Variants in PDE8B observed in about 807,000 individuals in gnomAD.
The protein encoded by PDE8B is high affinity cAMP-specific and IBMX-insensitive 3',5'-cyclic phosphodiesterase 8B.
In PDE8B, 26 loss-of-function variants were observed where a neutral mutation model predicts 101.3. The ratio of observed to expected loss-of-function variants is 0.26; its 90% CI spans 0.19 to 0.36. PDE8B has a LOEUF of 0.36. Ranked by LOEUF, PDE8B falls within the 10% of genes least tolerant of loss-of-function variation. PDE8B has a pLI of 1.00. For synonymous variants in PDE8B, 424 were observed against 429.3 expected, an observed-to-expected ratio of 0.99 and a Z score of 0.15; for missense variants, 810 against 1,163.1, an observed-to-expected ratio of 0.70 and a Z score of 4.42.
At chr5:77,339,392 G>A (rs1034766558) in intron 6 of PDE8B, among the ~76,000 whole-genome samples, 3 of 152,224 alleles carry the variant, frequency 2.0e-5, no homozygotes, top group Non-Finnish European at 2.9e-5. Flanking sequence ...AGTTTCAGCT[G>A]TTGCTTTTTG....
chr5:77,165,356 C>T, the PDE8B span: 2 of 152,190 alleles, frequency 1.3e-5, no homozygotes, highest in Admixed American at 6.5e-5. Context: ...AATTTTCACA[C>T]TCAGCTCTCA....
intron 1 of PDE8B, among the ~76,000 whole-genome samples, chr5:77,222,174 A>C (rs1045804433): frequency 6.6e-6 from 1 of 152,192 alleles, no homozygotes; most frequent in Non-Finnish European, 1.5e-5. Context: ...GAGAAGCTGC[A>C]TGATTTCTCC....
At chr5:77,229,971 G>A (rs966696738) in intron 1 of PDE8B, among the ~76,000 whole-genome samples, 1 of 152,168 alleles carries the variant, frequency 6.6e-6, no homozygotes, top group Admixed American at 6.5e-5. Context: ...TAGAACTGCT[G>A]CATTGTATGG....
At chr5:77,390,720 G>A (rs533553867) in intron 10 of PDE8B, among the ~76,000 whole-genome samples, 51 of 152,220 alleles carry the variant, frequency 3.4e-4, no homozygotes, top group Non-Finnish European at 6.3e-4. Flanking sequence ...CACTAATGCA[G>A]GGGGTGTTTC....
chr5:77,230,985 C>T lies in PDE8B; in HGVS notation c.339+19721C>T, dbSNP rs114925496. ...GAGTTGCTTGCCATTTCTGTAAGTG[C>T]AGAAACTAAGATTTCGATTTGGTTC... On this transcript the variant is annotated intron_variant, in intron 1 of 21. Transcript: ENST00000264917. 3.8e-3 allele frequency among the ~76,000 whole-genome samples: 575 copies of T among 152,266 alleles called. 2 individuals carry two copies. Among genetic ancestry groups the T allele is most frequent in the African/African-American group, 0.013 (545 of 41,532 alleles).
intron 1 of PDE8B, among the ~76,000 whole-genome samples, chr5:77,289,566 G>C (rs1766810585): frequency 6.6e-6 from 1 of 152,208 alleles, no homozygotes. Context: ...TGGCAGCCTG[G>C]AGACCTCAAT....
chr5:77,363,549 TA>T (rs1328465041), intron 10 of PDE8B, among the ~76,000 whole-genome samples: 1 of 151,770 alleles, frequency 6.6e-6, no homozygotes, highest in African/African-American at 2.4e-5. Context: ...CCATCTCTAC[TA>T]AAAATACAAA....
the PDE8B span, among the ~76,000 whole-genome samples, chr5:77,183,629 T>TA: frequency 6.6e-6 from 1 of 152,218 alleles, no homozygotes; most frequent in Admixed American, 6.5e-5. Context: ...AAAAATCTTT[T>TA]ATGAGTGATA....
chr5:77,305,823 G>A (rs1310640477), intron 1 of PDE8B, among the ~76,000 whole-genome samples: 1 of 152,202 alleles, frequency 6.6e-6, no homozygotes, highest in East Asian at 1.9e-4. Context: ...ATTTAAAAGT[G>A]CCTATTTCTG....
At chr5:77,163,780 G>A in the PDE8B span, among the ~76,000 whole-genome samples, 1 of 152,176 alleles carries the variant, frequency 6.6e-6, no homozygotes, top group Non-Finnish European at 1.5e-5. Context: ...AATTAACAAA[G>A]TAAAGTCTCA....
intron 1 of PDE8B, among the ~76,000 whole-genome samples, chr5:77,276,350 T>C (rs1580738902): frequency 6.6e-6 from 1 of 152,232 alleles, no homozygotes; most frequent in East Asian, 1.9e-4. Context: ...CAAAGGCCTC[T>C]ACCTCAGAGA....
chr5:77,420,718 C>A (rs950750817), intron 19 of PDE8B, among the ~76,000 whole-genome samples: 36 of 152,222 alleles, frequency 2.4e-4, no homozygotes, highest in African/African-American at 8.4e-4. Context: ...CCTCTCCTTC[C>A]ACAGAAGACT....
chr5:77,369,507 C>T lies in PDE8B; in HGVS notation c.1167+16101C>T, dbSNP rs920222307. On this transcript the variant is annotated intron_variant, in intron 10 of 21. Coordinates refer to ENST00000264917, the MANE Select transcript of PDE8B (RefSeq NM_003719.5). ...GCAGAGAGAGGAATCCAAGGAGATCCGAAATGGCATGCTGTATCTGAAAAT... is the reference window on the plus strand; with the variant it reads ...GCAGAGAGAGGAATCCAAGGAGATCTGAAATGGCATGCTGTATCTGAAAAT... 5.5e-4 allele frequency among the ~76,000 whole-genome samples: 84 copies of T among 151,938 alleles called. 1 individual carries two copies. Among genetic ancestry groups the T allele is most frequent in the Non-Finnish European group, 1.1e-3 (75 of 68,020 alleles).
At chr5:77,275,763 G>A (rs1023208965) in intron 1 of PDE8B, among the ~76,000 whole-genome samples, 1 of 152,208 alleles carries the variant, frequency 6.6e-6, no homozygotes, top group Non-Finnish European at 1.5e-5. Flanking sequence ...CGTGCAAAGT[G>A]CTTCCAAGAT....
At chr5:77,402,960 T>C (rs1022638274) in intron 11 of PDE8B, among the ~76,000 whole-genome samples, 4 of 152,210 alleles carry the variant, frequency 2.6e-5, no homozygotes, top group African/African-American at 9.7e-5. Context: ...TCTTGGAATA[T>C]GATCACTTAT....
chr5:77,173,308 T>C, the PDE8B span, among the ~76,000 whole-genome samples: 1 of 152,224 alleles, frequency 6.6e-6, no homozygotes, highest in Non-Finnish European at 1.5e-5. Context: ...TGTGTGCTTG[T>C]TTGGCTTTTT....
the PDE8B span, among the ~76,000 whole-genome samples, chr5:77,117,183 G>A: frequency 6.6e-6 from 1 of 152,196 alleles, no homozygotes; most frequent in African/African-American, 2.4e-5. Flanking sequence ...TGAGAGCAGA[G>A]GGGGCAAAAA....
intron 10 of PDE8B, among the ~76,000 whole-genome samples, chr5:77,397,857 A>T (rs1247569934): frequency 6.6e-6 from 1 of 152,102 alleles, no homozygotes; most frequent in South Asian, 2.1e-4. Context: ...ACTGCTAGCC[A>T]TTAGGTACAA....
chr5:77,215,533 G>A (rs991225159), intron 1 of PDE8B, among the ~76,000 whole-genome samples: 1 of 152,122 alleles, frequency 6.6e-6, no homozygotes, highest in Non-Finnish European at 1.5e-5. Flanking sequence ...GGACTATCAG[G>A]TAATTCTTCC....
Sources: allele counts gnomAD v4.1 joint callset (sites outside exome capture counted in the v4.1 genomes callset), GRCh38; gene constraint gnomAD v4.1.1; transcripts MANE v1.5; gene names NCBI Gene and HGNC (gene_info 2026-07-23, HGNC 2026-07-21).